The following MAPK10 variants were observed in gnomAD, a reference collection of about 807,000 sequenced individuals.
MAPK10 encodes the protein mitogen-activated protein kinase 10, also known as JNK3 alpha protein kinase.
MAPK10 carries 25 observed loss-of-function variants against 59.3 expected under a neutral mutation model. That is an observed-to-expected ratio of 0.42 (90% CI 0.31 to 0.59). The LOEUF (loss-of-function observed/expected upper bound fraction) is 0.59, where lower values mean the gene tolerates loss of function less well. Among genes scored for constraint, MAPK10 ranks in the 20% least tolerant of loss-of-function variants. MAPK10 has a pLI of 0.15. For missense variants in MAPK10, 351 were observed against 568.9 expected (o/e 0.62, Z 3.90); for synonymous variants, 190 against 200.5 (o/e 0.95, Z 0.44).
intron 1 of MAPK10, among the ~76,000 whole-genome samples, chr4:86,484,182 G>T (rs1206694965): frequency 6.6e-6 from 1 of 152,150 alleles, no homozygotes. Flanking sequence ...GTGGCTAAAG[G>T]ATTATATTTT....
At position 86,228,357 on chromosome 4, in the gene MAPK10, C is replaced by T. The variant is rs191949714; in HGVS notation, c.-6-33950G>A. On this transcript the variant is annotated intron_variant, in intron 2 of 13. Transcript: ENST00000641462. ...GGGCAATCTCTCCAGGATCAAGGCC[C>T]GAGATGCCAGAGAATCAAGGTCACA... Among the ~76,000 whole-genome samples, 19 of 152,250 alleles carry T rather than the reference C, an allele frequency of 1.2e-4. No individual in the cohort carries two copies. In the South Asian group the frequency reaches 1.5e-3, roughly 12 times the overall value.
chr4:86,108,225 T>C (rs890933967), intron 4 of MAPK10, among the ~76,000 whole-genome samples: 2 of 152,166 alleles, frequency 1.3e-5, no homozygotes, highest in Non-Finnish European at 2.9e-5. Flanking sequence ...AAAAGCTATC[T>C]AAATATTTGG....
At chr4:86,319,394 C>T (rs2095847978) in intron 2 of MAPK10, among the ~76,000 whole-genome samples, 1 of 152,142 alleles carries the variant, frequency 6.6e-6, no homozygotes, top group Admixed American at 6.6e-5. Flanking sequence ...TACATTTCTC[C>T]ATTTCAGAAA....
chr4:86,120,175 G>A (rs940924478), intron 4 of MAPK10: 5 of 152,188 alleles, frequency 3.3e-5, no homozygotes, highest in African/African-American at 7.2e-5. Flanking sequence ...GCTAGACTAC[G>A]AGCTCAACAT....
At chr4:86,531,577 A>G (rs1757855441) in intron 1 of MAPK10, among the ~76,000 whole-genome samples, 1 of 152,206 alleles carries the variant, frequency 6.6e-6, no homozygotes, top group Non-Finnish European at 1.5e-5. Flanking sequence ...GCAACTAAAC[A>G]GCTTTTAAAC....
chr4:86,555,628 T>C (rs1458703592), intron 1 of MAPK10, among the ~76,000 whole-genome samples: 1 of 152,220 alleles, frequency 6.6e-6, no homozygotes, highest in Non-Finnish European at 1.5e-5. Flanking sequence ...ATTCTGCATG[T>C]TTTGTATATT....
At chr4:86,109,520 A>G (rs1580402909) in intron 4 of MAPK10, among the ~76,000 whole-genome samples, 1 of 152,198 alleles carries the variant, frequency 6.6e-6, no homozygotes, top group Non-Finnish European at 1.5e-5. Context: ...TTTGTTAAGA[A>G]TAATGGCTTC....
intron 11 of MAPK10, among the ~76,000 whole-genome samples, chr4:86,062,034 T>C (rs943753344): frequency 6.6e-6 from 1 of 152,184 alleles, no homozygotes; most frequent in African/African-American, 2.4e-5. Flanking sequence ...AAAGCATAGC[T>C]GACTACTGAT....
chr4:86,071,316 C>G (rs573120327), intron 9 of MAPK10, among the ~76,000 whole-genome samples: 3 of 137,042 alleles, frequency 2.2e-5, no homozygotes, highest in Non-Finnish European at 3.2e-5. Flanking sequence ...GAGTAGGTTG[C>G]GAACATTTTC....
chr4:86,089,359 C>A (rs543193757), intron 9 of MAPK10: 2 of 911,576 alleles, frequency 2.2e-6, no homozygotes, highest in African/African-American at 1.6e-5. Context: ...CTACTCATGC[C>A]ATAGAGCAAT....
At chr4:86,230,847 TTTTAAATACTTGCTC>T in intron 2 of MAPK10, among the ~76,000 whole-genome samples, 1 of 152,334 alleles carries the variant, frequency 6.6e-6, no homozygotes, top group Admixed American at 6.5e-5. Flanking sequence ...GTCTCTGCCC[TTTTAAATACTTGCTC>T]AGTCTGCTTT....
At chr4:86,421,879 A>G (rs1460156222) in intron 1 of MAPK10, among the ~76,000 whole-genome samples, 1 of 152,136 alleles carries the variant, frequency 6.6e-6, no homozygotes, top group Non-Finnish European at 1.5e-5. Context: ...ACAAGGCCCT[A>G]AGAAATCTGG....
intron 5 of MAPK10, among the ~76,000 whole-genome samples, chr4:86,105,110 G>A (rs2056296287): frequency 1.3e-5 from 2 of 152,086 alleles, no homozygotes; most frequent in South Asian, 4.2e-4. Context: ...ATTTTCAGTT[G>A]ATAAGAAATA....
intron 1 of MAPK10, among the ~76,000 whole-genome samples, chr4:86,586,651 C>T (rs1300897513): frequency 6.6e-6 from 1 of 152,104 alleles, no homozygotes; most frequent in East Asian, 1.9e-4. Flanking sequence ...GAATTTCTAG[C>T]CAAAAAATTT....
chr4:86,478,573 C>T lies in MAPK10; in HGVS notation c.-263+115337G>A, dbSNP rs567354639. 1.0e-3 allele frequency among the ~76,000 whole-genome samples: 155 copies of T among 152,324 alleles called. 1 individual carries two copies. The highest frequency in any genetic ancestry group is 3.5e-3 in the African/African-American group (144 of 41,574). On this transcript the variant is annotated intron_variant, in intron 1 of 4. Transcript: ENST00000502302. ...CCTGACACATATACTTTCTGCTCCC[C>T]GGCTCCTTCAGCTGTACTCACTCTT...
At position 86,369,623 on chromosome 4, in the gene MAPK10, T is replaced by A. The variant is rs527731548; in HGVS notation, c.-121-14979A>T. On this transcript the variant is annotated intron_variant, in intron 1 of 13. Coordinates refer to the MAPK10 transcript ENST00000361569. ...CAAATCATTAACAAAAAATATTTTC[T>A]TAGAGTATCCTAAACATGCTATTTC... Among the ~76,000 whole-genome samples, 4 of 152,318 alleles carry A rather than the reference T, an allele frequency of 2.6e-5. No homozygotes were observed. In the East Asian group the frequency reaches 7.7e-4, roughly 29 times the overall value.
chr4:86,136,149 G>A (rs1375341186), intron 4 of MAPK10, among the ~76,000 whole-genome samples: 1 of 152,124 alleles, frequency 6.6e-6, no homozygotes, highest in East Asian at 1.9e-4. Flanking sequence ...AGTCTAGCAA[G>A]GCAGGCCAAC....
At chr4:86,091,987 T>C (rs1295027095) in intron 9 of MAPK10, among the ~76,000 whole-genome samples, 7 of 150,630 alleles carry the variant, frequency 4.6e-5, no homozygotes, top group Non-Finnish European at 3.0e-5. Flanking sequence ...GTTGATTTAA[T>C]AACTGGTATT....
intron 2 of MAPK10, chr4:86,335,302 T>C (rs949499944): frequency 1.1e-4 from 17 of 152,170 alleles, no homozygotes; most frequent in African/African-American, 4.1e-4. Context: ...ACTGCAAAGG[T>C]TGTAGAAGCT....
Sources: gnomAD v4.1 joint callset for allele counts (sites outside exome capture counted in the v4.1 genomes callset) on GRCh38, gnomAD v4.1.1 for gene constraint, MANE v1.5 for transcripts, NCBI Gene and HGNC (gene_info 2026-07-23, HGNC 2026-07-21) for gene names.